The following CACNG3 variants were observed in gnomAD, a reference collection of about 807,000 sequenced individuals.
The protein encoded by CACNG3 is voltage-dependent calcium channel gamma-3 subunit.
A neutral mutation model predicts 28.5 loss-of-function variants in CACNG3; 3 were observed. That is an observed-to-expected ratio of 0.11 (90% confidence interval 0.05 to 0.27). The LOEUF (loss-of-function observed/expected upper bound fraction) is 0.27. Among genes scored for constraint, CACNG3 ranks in the 10% least tolerant of loss-of-function variants. The pLI is 1.00. For synonymous variants in CACNG3, 174 were observed against 162.2 expected (o/e 1.07, Z -0.55); for missense variants, 236 against 414.4 (o/e 0.57, Z 3.74).
intron 1 of CACNG3, among the ~76,000 whole-genome samples, chr16:24,313,795 AG>A (rs1899309821): frequency 6.6e-6 from 1 of 151,986 alleles, no homozygotes; most frequent in African/African-American, 2.4e-5. Context: ...CCCAGGCTGG[AG>A]GGCAGTGGTG....
At chr16:24,322,195 C>T (rs1367888432) in intron 1 of CACNG3, among the ~76,000 whole-genome samples, 1 of 152,156 alleles carries the variant, frequency 6.6e-6, no homozygotes, top group African/African-American at 2.4e-5. Flanking sequence ...CCGCTGATGA[C>T]TCTCACTCTC....
At chr16:24,257,259 A>G (rs11640852) in intron 1 of CACNG3, among the ~76,000 whole-genome samples, 32,245 of 150,624 alleles carry the variant, frequency 0.21, 3,777 homozygotes, top group Non-Finnish European at 0.27. Context: ...CATATTGTCA[A>G]CTGCTTGGAT....
chr16:24,328,268 T>G (rs2141372622), intron 1 of CACNG3, among the ~76,000 whole-genome samples: 1 of 151,714 alleles, frequency 6.6e-6, no homozygotes, highest in East Asian at 1.9e-4. Context: ...AAATGCAGGA[T>G]GGAGAGGGAG....
chr16:24,261,623 C>T (rs1478083046), intron 1 of CACNG3, among the ~76,000 whole-genome samples: 4 of 152,082 alleles, frequency 2.6e-5, no homozygotes, highest in African/African-American at 9.7e-5. Context: ...TCCTGAATTA[C>T]TCTTTATTAG....
intron 3 of CACNG3, among the ~76,000 whole-genome samples, chr16:24,360,008 C>G (rs1900084705): frequency 6.6e-6 from 1 of 152,202 alleles, no homozygotes; most frequent in South Asian, 2.1e-4. Context: ...GTAGGGAGAT[C>G]TTGGGGATGC....
At chr16:24,319,747 C>G (rs1484281723) in intron 1 of CACNG3, among the ~76,000 whole-genome samples, 1 of 151,832 alleles carries the variant, frequency 6.6e-6, no homozygotes, top group Non-Finnish European at 1.5e-5. Flanking sequence ...AACCACCATG[C>G]CCAGACTTGT....
At chr16:24,264,944 C>A (rs1420533817) in intron 1 of CACNG3, among the ~76,000 whole-genome samples, 1 of 152,146 alleles carries the variant, frequency 6.6e-6, no homozygotes, top group South Asian at 2.1e-4. Context: ...GAAATTTTAA[C>A]AGTTGAAAAC....
At position 24,326,081 on chromosome 16, in the gene CACNG3, G is replaced by C. The variant is rs574886798; in HGVS notation, c.212-20653G>C. ...CCCTCAAGCTTGCTGTCTCCAACGT[G>C]GGGGGGTTGGGGGCTTGGCAACTGT... On this transcript the variant is annotated intron_variant, in intron 1 of 3. Transcript: ENST00000005284. Among the ~76,000 whole-genome samples the C allele has an allele frequency of 1.2e-4, 19 of 152,254 alleles. No homozygotes were observed. In the South Asian group the frequency reaches 1.7e-3, roughly 13 times the overall value.
intron 1 of CACNG3, among the ~76,000 whole-genome samples, chr16:24,287,655 C>T (rs1194003662): frequency 1.3e-5 from 2 of 152,036 alleles, no homozygotes; most frequent in Admixed American, 1.3e-4. Flanking sequence ...TCCCTGGCAA[C>T]AGAACCATCC....
chr16:24,334,414 C>T (rs1899673270), intron 1 of CACNG3, among the ~76,000 whole-genome samples: 1 of 152,194 alleles, frequency 6.6e-6, no homozygotes, highest in African/African-American at 2.4e-5. Flanking sequence ...AGAGCCTGCT[C>T]TGAAGTGATG....
chr16:24,281,926 G>A (rs903084291), intron 1 of CACNG3, among the ~76,000 whole-genome samples: 1 of 152,142 alleles, frequency 6.6e-6, no homozygotes, highest in African/African-American at 2.4e-5. Context: ...TGTAGAGAGA[G>A]GTGACTGTAA....
chr16:24,341,016 C>T (rs1899779396), intron 1 of CACNG3, among the ~76,000 whole-genome samples: 1 of 152,238 alleles, frequency 6.6e-6, no homozygotes, highest in South Asian at 2.1e-4. Flanking sequence ...CATGTTTTCA[C>T]CATCTCTCTT....
chr16:24,283,297 C>T lies in CACNG3; in HGVS notation c.211+26332C>T, dbSNP rs111378144. 3.9e-3 allele frequency among the ~76,000 whole-genome samples: 601 copies of T among 152,212 alleles called. 2 individuals are homozygous for T. Among genetic ancestry groups the T allele is most frequent in the African/African-American group, 0.014 (577 of 41,542 alleles). The stretch of plus-strand genomic sequence containing the variant: ...ATTAACAGGCTTATTTGGGAATGAT[C>T]GACATCTTTAGGATATTGAGACTTC... On this transcript the variant is annotated intron_variant, in intron 1 of 3. Coordinates refer to ENST00000005284, the MANE Select transcript of CACNG3 (RefSeq NM_006539.4).
In CACNG3 at chr16:24,266,561, A is replaced by G. The variant is rs190783742; in HGVS notation, c.211+9596A>G. Among the ~76,000 whole-genome samples the G allele has an allele frequency of 2.0e-5, 3 of 152,334 alleles. No individual in the cohort carries two copies. In the East Asian group the frequency reaches 5.8e-4, roughly 29 times the overall value. ...AGAAAAAGAGGGAAAACGATACCCT[A>G]AGTAGCACTAACATTGATGGACAAA... On this transcript the variant is annotated intron_variant, in intron 1 of 3. Transcript: ENST00000005284.
intron 2 of CACNG3, among the ~76,000 whole-genome samples, chr16:24,350,722 T>G (rs13334667): frequency 0.026 from 3,933 of 152,320 alleles, 65 homozygotes; most frequent in African/African-American, 0.035. Flanking sequence ...TCACTTTTTA[T>G]TAATTACACT....
In CACNG3 at chr16:24,333,089, A is replaced by T. The variant is rs370584553; in HGVS notation, c.212-13645A>T. Among the ~76,000 whole-genome samples the T allele has an allele frequency of 2.6e-5, 4 of 152,304 alleles. No individual in the cohort carries two copies. The South Asian group carries it at 8.3e-4, about 32-fold the overall frequency. ...GACAGGCTCAAATATTGCTTGCAAA[A>T]ATGACCCATTTTATGATCCTGCTGT... On this transcript the variant is annotated intron_variant, in intron 1 of 3. Transcript: ENST00000005284.
intron 1 of CACNG3, among the ~76,000 whole-genome samples, chr16:24,319,767 TTTTG>T (rs890491574): frequency 1.3e-5 from 2 of 151,830 alleles, no homozygotes; most frequent in African/African-American, 2.4e-5. Flanking sequence ...TCAGGGTTAT[TTTTG>T]TTTGTTTGTT....
intron 1 of CACNG3, among the ~76,000 whole-genome samples, chr16:24,336,320 G>A (rs1423604431): frequency 6.6e-6 from 1 of 150,828 alleles, no homozygotes; most frequent in East Asian, 2.0e-4. Flanking sequence ...CTCCCAGGCT[G>A]GACTGTAGTG....
At chr16:24,351,325 C>T (rs2141381950) in intron 2 of CACNG3, among the ~76,000 whole-genome samples, 1 of 152,116 alleles carries the variant, frequency 6.6e-6, no homozygotes, top group African/African-American at 2.4e-5. Flanking sequence ...AACCCCAGCA[C>T]TTTTGGGAGG....
Sources: gnomAD v4.1 joint callset for allele counts (sites outside exome capture counted in the v4.1 genomes callset) on GRCh38, gnomAD v4.1.1 for gene constraint, MANE v1.5 for transcripts, NCBI Gene and HGNC (gene_info 2026-07-23, HGNC 2026-07-21) for gene names.